AOAH: variants seen among roughly 807,000 people sequenced by gnomAD.
The protein encoded by AOAH is acyloxyacyl hydrolase (neutrophil).
In AOAH, 64 loss-of-function variants were observed where a neutral mutation model predicts 92.2. That is an observed-to-expected ratio of 0.69 (90% CI 0.57 to 0.86). The LOEUF is 0.86. Among genes scored for constraint, AOAH ranks in the 40% least tolerant of loss-of-function variants. The pLI, the probability that AOAH is intolerant of heterozygous loss-of-function variation, is 0.00. For synonymous variants in AOAH, 263 were observed against 254.5 expected, an observed-to-expected ratio of 1.03 and a Z score of -0.32; for missense variants, 656 against 694.6, an observed-to-expected ratio of 0.94 and a Z score of 0.62.
chr7:36,634,204 T>C lies in AOAH; in HGVS notation c.451-2098A>G, dbSNP rs997759059. ...TAGGAGACCACTCCTCATATTGTCT[T>C]ATGTCCAATTTCTGCCTCCAAAGAA... On this transcript the variant is annotated intron_variant, in intron 5 of 20. Transcript: ENST00000617537. Among the ~76,000 whole-genome samples, 5 of 152,278 alleles carry C rather than the reference T, an allele frequency of 3.3e-5. No homozygotes were observed. In the East Asian group the frequency reaches 7.7e-4, roughly 24 times the overall value.
intron 2 of AOAH, among the ~76,000 whole-genome samples, chr7:36,675,149 G>A (rs1482389057): frequency 6.6e-6 from 1 of 152,160 alleles, no homozygotes; most frequent in Non-Finnish European, 1.5e-5. Context: ...CCAGTTACTA[G>A]GGAGGCTGGG....
chr7:36,642,555 C>T (rs1359045596), intron 4 of AOAH, among the ~76,000 whole-genome samples: 1 of 152,160 alleles, frequency 6.6e-6, no homozygotes, highest in East Asian at 1.9e-4. Context: ...GGTCACAGCC[C>T]CCACAGACTC....
chr7:36,521,442 C>A (rs1488616665), intron 20 of AOAH, among the ~76,000 whole-genome samples: 1 of 152,156 alleles, frequency 6.6e-6, no homozygotes, highest in Admixed American at 6.5e-5. Flanking sequence ...GGGAGTGGAG[C>A]CGGGAGGGGA....
chr7:36,718,429 A>G (rs575177006), intron 1 of AOAH, among the ~76,000 whole-genome samples: 1 of 152,362 alleles, frequency 6.6e-6, no homozygotes, highest in East Asian at 1.9e-4. Context: ...GTATTACCGC[A>G]TGCCCTAGAA....
intron 1 of AOAH, among the ~76,000 whole-genome samples, chr7:36,702,186 T>A (rs1393939414): frequency 6.6e-6 from 1 of 152,118 alleles, no homozygotes; most frequent in African/African-American, 2.4e-5. Flanking sequence ...GTAAGAGAAG[T>A]GTTTGTGTGT....
chr7:36,598,079 T>C (rs1017384222), intron 11 of AOAH: 1 of 152,090 alleles, frequency 6.6e-6, no homozygotes, highest in African/African-American at 2.4e-5. Flanking sequence ...AATCCTGTCT[T>C]GGGAAGTGGG....
At chr7:36,671,305 C>T (rs1431993734) in intron 3 of AOAH, among the ~76,000 whole-genome samples, 3 of 152,130 alleles carry the variant, frequency 2.0e-5, no homozygotes. Context: ...AGATACAAAG[C>T]TCTCTCCTTT....
intron 1 of AOAH, among the ~76,000 whole-genome samples, chr7:36,691,829 C>A (rs1310487001): frequency 6.6e-6 from 1 of 152,154 alleles, no homozygotes; most frequent in East Asian, 1.9e-4. Flanking sequence ...CAGATTGTAA[C>A]TGAGTCCTCC....
chr7:36,544,508 G>A (rs1785666627), intron 15 of AOAH, among the ~76,000 whole-genome samples: 1 of 152,042 alleles, frequency 6.6e-6, no homozygotes, highest in South Asian at 2.1e-4. Context: ...ACACACCAGC[G>A]AGCTCACCCC....
At chr7:36,541,414 C>T (rs1250488696) in intron 15 of AOAH, among the ~76,000 whole-genome samples, 1 of 152,206 alleles carries the variant, frequency 6.6e-6, no homozygotes, top group Non-Finnish European at 1.5e-5. Context: ...GGTGAAGCTC[C>T]TAAGTGAGCT....
chr7:36,694,446 C>T (rs1252392598), intron 1 of AOAH, among the ~76,000 whole-genome samples: 4 of 151,992 alleles, frequency 2.6e-5, no homozygotes, highest in African/African-American at 4.8e-5. Flanking sequence ...TGCAGTGAGC[C>T]GAGATTGCAC....
intron 15 of AOAH, 51 bp downstream of exon 15, chr7:36,548,561 G>A: frequency 1.3e-6 from 2 of 1,491,704 alleles, no homozygotes; most frequent in Middle Eastern, 1.7e-4. Flanking sequence ...AGAGGGTGGG[G>A]AAGAGCCCAG....
At chr7:36,588,440 G>A (rs1199375447) in intron 12 of AOAH, among the ~76,000 whole-genome samples, 2 of 152,238 alleles carry the variant, frequency 1.3e-5, no homozygotes, top group Non-Finnish European at 2.9e-5. Context: ...CCCAACTTCA[G>A]AGGACCACCT....
At chr7:36,712,908 A>C (rs1255164175) in intron 1 of AOAH, among the ~76,000 whole-genome samples, 2 of 152,222 alleles carry the variant, frequency 1.3e-5, no homozygotes, top group Non-Finnish European at 2.9e-5. Context: ...CGAGGCTAGG[A>C]AGAAACTGCA....
intron 13 of AOAH, among the ~76,000 whole-genome samples, chr7:36,551,100 G>A (rs1024218407): frequency 2.2e-5 from 3 of 138,334 alleles, no homozygotes; most frequent in African/African-American, 8.0e-5. Context: ...TTTAGACAGA[G>A]TCTTGCTCTG....
intron 1 of AOAH, among the ~76,000 whole-genome samples, chr7:36,720,837 CG>C (rs1799582781): frequency 2.6e-5 from 4 of 151,688 alleles, no homozygotes; most frequent in Admixed American, 2.6e-4. Context: ...ACTGAGTGCG[CG>C]GAAATGTTTG....
At chr7:36,592,596 T>C (rs909544277) in intron 12 of AOAH, among the ~76,000 whole-genome samples, 1 of 152,224 alleles carries the variant, frequency 6.6e-6, no homozygotes, top group Non-Finnish European at 1.5e-5. Flanking sequence ...ATCTTTGTTA[T>C]GATATGACAC....
Position 36,513,312 on chromosome 7 carries a change from T to G in AOAH, c.1668A>C (p.Gly556=). The change falls in exon 21 of 21, where the codon GGA becomes GGC. Residue 556 remains glycine (G), a synonymous_variant. Transcript: ENST00000617537. The part of the protein sequence containing the change: ...KVQLQWPQIL[G]KENPFNPQIK... ...TCTGGGGGTTGAACGGATTCTCCTT[T>G]CCCAGGATTTGGGGCCACTGGAGCT... is the stretch of plus-strand genomic sequence containing the variant. The G allele has an allele frequency of 6.2e-7, 1 of 1,614,136 alleles. No homozygotes were observed.
At chr7:36,630,828 A>C (rs1001218434) in intron 6 of AOAH, among the ~76,000 whole-genome samples, 8 of 152,172 alleles carry the variant, frequency 5.3e-5, no homozygotes, top group Non-Finnish European at 7.3e-5. Flanking sequence ...AGAACACATG[A>C]GATCAAATGC....
Sources: gnomAD v4.1 joint callset for allele counts (sites outside exome capture counted in the v4.1 genomes callset) on GRCh38, gnomAD v4.1.1 for gene constraint, MANE v1.5 for transcripts, NCBI Gene and HGNC (gene_info 2026-07-23, HGNC 2026-07-21) for gene names.